JMJD1C: variants seen among roughly 807,000 people sequenced by gnomAD.
JMJD1C encodes the protein jumonji domain-containing protein 1C.
JMJD1C carries 31 observed loss-of-function variants against 245.3 expected under a neutral mutation model. The ratio of observed to expected loss-of-function variants is 0.13; its 90% CI spans 0.09 to 0.17. JMJD1C has a LOEUF of 0.17. Among genes scored for constraint, JMJD1C ranks in the 10% least tolerant of loss-of-function variants. JMJD1C has a pLI of 1.00. For missense variants in JMJD1C, 2,691 were observed against 3,000.2 expected, an observed-to-expected ratio of 0.90 and a Z score of 2.41; for synonymous variants, 1,057 against 1,017.4, an observed-to-expected ratio of 1.04 and a Z score of -0.74.
intron 2 of JMJD1C, among the ~76,000 whole-genome samples, chr10:63,280,420 C>T (rs1368780306): frequency 2.0e-5 from 3 of 151,836 alleles, no homozygotes; most frequent in Non-Finnish European, 2.9e-5. Flanking sequence ...TGTGGTGGAA[C>T]GCACCTGTAG....
intron 2 of JMJD1C, among the ~76,000 whole-genome samples, chr10:63,341,494 G>T (rs1769580393): frequency 6.6e-6 from 1 of 152,152 alleles, no homozygotes; most frequent in South Asian, 2.1e-4. Flanking sequence ...TCCTATGACA[G>T]GCAAAAACTT....
At chr10:63,201,372 T>A (rs1199948543) in intron 10 of JMJD1C, among the ~76,000 whole-genome samples, 2 of 152,144 alleles carry the variant, frequency 1.3e-5, no homozygotes, top group African/African-American at 4.8e-5. Context: ...AACTTGGCTA[T>A]CTTTATTGAT....
At position 63,185,769 on chromosome 10, in the gene JMJD1C, A is replaced by G. The variant is rs1589086036; in HGVS notation, c.6740-116T>C. ...TTGATTGTTGCACATTACATGCTTA[A>G]TGATTGCTTGCTTATTGACTTATTA... On this transcript the variant is annotated intron_variant, in intron 19 of 25. Coordinates refer to ENST00000399262, the MANE Select transcript of JMJD1C (RefSeq NM_032776.3). The G allele has an allele frequency of 1.2e-5, 8 of 671,540 alleles. No individual in the cohort carries two copies. The East Asian group carries it at 2.1e-4, about 17-fold the overall frequency. 41.6% of individuals were successfully genotyped at this position (671,540 alleles called of 1,614,324 possible). A position where few individuals can be genotyped will look rare whatever the true frequency, so the allele number is the denominator to read the frequency against.
chr10:63,274,921 C>T (rs190631255), intron 2 of JMJD1C, among the ~76,000 whole-genome samples: 1 of 152,140 alleles, frequency 6.6e-6, no homozygotes, highest in Admixed American at 6.5e-5. Flanking sequence ...TACAAGCAGA[C>T]ATAGTGGCAT....
At chr10:63,449,059 G>T (rs1270099643) in intron 1 of JMJD1C, among the ~76,000 whole-genome samples, 1 of 152,118 alleles carries the variant, frequency 6.6e-6, no homozygotes, top group Non-Finnish European at 1.5e-5. Context: ...AGAGGCTGCA[G>T]TGAGCCAAGA....
intron 3 of JMJD1C, among the ~76,000 whole-genome samples, chr10:63,260,185 A>T (rs1007311099): frequency 2.6e-5 from 4 of 152,246 alleles, no homozygotes; most frequent in African/African-American, 9.6e-5. Flanking sequence ...ATTCCGTATC[A>T]AATCTCTAAC....
At chr10:63,204,204 G>A (rs1589138887) in intron 10 of JMJD1C, 2 of 985,146 alleles carry the variant, frequency 2.0e-6, no homozygotes, top group Non-Finnish European at 2.4e-6. Flanking sequence ...ATTAATAGAT[G>A]ACATCTAATA....
chr10:63,445,475 G>A (rs893244156), intron 1 of JMJD1C, among the ~76,000 whole-genome samples: 1 of 152,118 alleles, frequency 6.6e-6, no homozygotes, highest in African/African-American at 2.4e-5. Context: ...GGGGAGACCA[G>A]ACCTGACATG....
At chr10:63,391,382 T>C (rs1339237254) in intron 1 of JMJD1C, among the ~76,000 whole-genome samples, 1 of 151,806 alleles carries the variant, frequency 6.6e-6, no homozygotes, top group East Asian at 1.9e-4. Context: ...TGGTGGCGGG[T>C]GCCTGTAGTC....
At chr10:63,468,500 TCTTAA>T (rs572169608), upstream of JMJD1C, among the ~76,000 whole-genome samples, 46 of 152,344 alleles carry the variant, frequency 3.0e-4, no homozygotes, top group African/African-American at 9.4e-4. Context: ...AATATTTGTT[TCTTAA>T]CTTGTTTCCT....
At chr10:63,223,793 G>A (rs569102141) in intron 3 of JMJD1C, among the ~76,000 whole-genome samples, 142 of 151,740 alleles carry the variant, frequency 9.4e-4, no homozygotes, top group African/African-American at 3.3e-3. Flanking sequence ...TCACTCTGTC[G>A]CCCAGGCCGG....
At chr10:63,194,500 G>GA (rs369670257) in intron 13 of JMJD1C, 125 bp from the exon 14 acceptor site, 1 of 584,498 alleles carries the variant, frequency 1.7e-6, no homozygotes. Flanking sequence ...AAGAGAAAAA[G>GA]AAAAAAATAA....
At chr10:63,240,369 G>C (rs1178044274) in intron 3 of JMJD1C, among the ~76,000 whole-genome samples, 1 of 152,158 alleles carries the variant, frequency 6.6e-6, no homozygotes, top group African/African-American at 2.4e-5. Context: ...AACCTGAAGA[G>C]AAGTATCAGA....
chr10:63,203,168 A>G, intron 10 of JMJD1C: 1 of 984,990 alleles, frequency 1.0e-6, no homozygotes. Flanking sequence ...TTGCTTCTAG[A>G]CAAGGCCACA....
chr10:63,304,683 G>A (rs1937764252), intron 2 of JMJD1C, among the ~76,000 whole-genome samples: 1 of 152,118 alleles, frequency 6.6e-6, no homozygotes, highest in Non-Finnish European at 1.5e-5. Context: ...ACTGGGTTGA[G>A]GTAGAAAACC....
intron 19 of JMJD1C, 26 bp from the exon 20 acceptor site, chr10:63,185,679 A>C: frequency 7.8e-7 from 1 of 1,286,836 alleles, no homozygotes; most frequent in Non-Finnish European, 1.1e-6. Context: ...TTAATTACTA[A>C]AAGGGTAATT....
intron 2 of JMJD1C, among the ~76,000 whole-genome samples, chr10:63,268,330 A>G (rs1855880162): frequency 6.6e-6 from 1 of 152,078 alleles, no homozygotes; most frequent in South Asian, 2.1e-4. Context: ...GTTAGAAAAC[A>G]AGTTGGGGGT....
chr10:63,206,514 A>G, intron 10 of JMJD1C, 81 bp downstream of exon 10: 5 of 1,118,478 alleles, frequency 4.5e-6, no homozygotes, highest in South Asian at 1.6e-5. Flanking sequence ...CTTTAAGCTC[A>G]CTGATCTTTA....
chr10:63,211,730 A>C lies in JMJD1C; in HGVS notation c.2694+1743T>G, dbSNP rs147013699. On this transcript the variant is annotated intron_variant, in intron 8 of 25. Transcript: ENST00000399262. Reference sequence around the variant, plus strand: ...AAAGCTGTCAAAAAAGATGACATTAAGATGTTAAAAACACCCATGTGAGGC... The same window carrying C: ...AAAGCTGTCAAAAAAGATGACATTACGATGTTAAAAACACCCATGTGAGGC... Among the ~76,000 whole-genome samples, 356 of 150,306 alleles carry C rather than the reference A, an allele frequency of 2.4e-3. 3 individuals are homozygous for C. The highest frequency in any genetic ancestry group is 0.014 in the Middle Eastern group (4 of 290).
Sources: allele counts gnomAD v4.1 joint callset (sites outside exome capture counted in the v4.1 genomes callset), GRCh38; gene constraint gnomAD v4.1.1; transcripts MANE v1.5; gene names NCBI Gene and HGNC (gene_info 2026-07-23, HGNC 2026-07-21).